The following ZNF41 variants were observed in gnomAD, a reference collection of about 807,000 sequenced individuals.
ZNF41 encodes the protein zinc finger protein 41.
ZNF41 carries 6 observed loss-of-function variants against 9.3 expected under a neutral mutation model. The observed-to-expected ratio is 0.65, with a 90% CI of 0.35 to 1.28. ZNF41 has a LOEUF of 1.28. Ranked by LOEUF, ZNF41 falls within the 50% of genes most tolerant of loss-of-function variation. ZNF41 has a pLI of 0.03. For synonymous variants in ZNF41, 192 were observed against 207.1 expected, an observed-to-expected ratio of 0.93 and a Z score of 0.63; for missense variants, 523 against 585.8, an observed-to-expected ratio of 0.89 and a Z score of 1.11.
chrX:47,453,452 A>G (rs1411577479), intron 4 of ZNF41, among the ~76,000 whole-genome samples: 1 of 112,467 alleles, frequency 8.9e-6, no homozygotes, highest in African/African-American at 3.2e-5. Flanking sequence ...AGAGCACAGA[A>G]TAAACAGATT....
chrX:47,458,774 T>A (rs1348563457), intron 2 of ZNF41, among the ~76,000 whole-genome samples: 3 of 107,968 alleles, frequency 2.8e-5, no homozygotes, highest in Non-Finnish European at 1.9e-5. Flanking sequence ...TCGTTTTTTT[T>A]TTGTTTTGTT....
chrX:47,447,161 T>C lies in ZNF41; in HGVS notation c.*269A>G, dbSNP rs1261509418. 20 of 382,450 alleles carry C rather than the reference T, an allele frequency of 5.2e-5. 1 individual carries two copies. The highest frequency in any genetic ancestry group is 5.5e-5 in the Non-Finnish European group (12 of 217,628). 31.5% of individuals were successfully genotyped at this position (382,450 alleles called of 1,213,427 possible). On this transcript the variant is annotated 3_prime_UTR_variant, in exon 5 of 5. Coordinates refer to ENST00000684689, the MANE Select transcript of ZNF41 (RefSeq NM_001324144.2). ...TTTCCAGGAGCTCAAGAGGTCTGTA[T>C]GAATCATGTCACCAAACATGACTTT...
intron 1 of ZNF41, among the ~76,000 whole-genome samples, chrX:47,482,198 G>A (rs972375763): frequency 1.8e-5 from 2 of 108,154 alleles, no homozygotes; most frequent in Non-Finnish European, 3.8e-5. Flanking sequence ...TATTCACTCC[G>A]GTGTCCCCAA....
intron 3 of ZNF41, 39 bp from the exon 4 acceptor site, chrX:47,456,055 T>C (rs2056550299): frequency 2.6e-6 from 3 of 1,173,502 alleles, no homozygotes; most frequent in Non-Finnish European, 3.5e-6. Context: ...GTCCAGCTGA[T>C]TGGGTTTCAG....
At chrX:47,481,622 T>C (rs2057474834) in intron 1 of ZNF41, among the ~76,000 whole-genome samples, 1 of 111,986 alleles carries the variant, frequency 8.9e-6, no homozygotes, top group African/African-American at 3.3e-5. Context: ...ACTCCATCTC[T>C]GGGCGACAGA....
intron 2 of ZNF41, among the ~76,000 whole-genome samples, chrX:47,459,267 T>C (rs1338654556): frequency 9.2e-6 from 1 of 109,230 alleles, no homozygotes; most frequent in Non-Finnish European, 1.9e-5. Context: ...GGAGGATCAC[T>C]AGAACCTGGA....
chrX:47,464,200 C>A (rs1341314982), intron 2 of ZNF41, among the ~76,000 whole-genome samples: 1 of 111,578 alleles, frequency 9.0e-6, no homozygotes, highest in Non-Finnish European at 1.9e-5. Context: ...TCAGTGATCA[C>A]CACTTCTCCA....
At chrX:47,469,259 C>T (rs1253055836) in intron 1 of ZNF41, among the ~76,000 whole-genome samples, 2 of 85,546 alleles carry the variant, frequency 2.3e-5, no homozygotes, top group African/African-American at 4.4e-5. Flanking sequence ...TGCAGTGAGC[C>T]GAGATCCCGC....
At chrX:47,456,166 G>C in intron 3 of ZNF41, 106 bp downstream of exon 3, 1 of 1,110,085 alleles carries the variant, frequency 9.0e-7, no homozygotes. Flanking sequence ...CTGAATCCCA[G>C]ACAAATCCAG....
intron 1 of ZNF41, among the ~76,000 whole-genome samples, chrX:47,476,224 G>A (rs1037968197): frequency 9.0e-6 from 1 of 110,675 alleles, no homozygotes; most frequent in African/African-American, 3.3e-5. Context: ...GTGGTGATGC[G>A]CACCTGTAAT....
chrX:47,479,100 T>G (rs2147852090), intron 1 of ZNF41, among the ~76,000 whole-genome samples: 1 of 111,322 alleles, frequency 9.0e-6, no homozygotes, highest in South Asian at 3.8e-4. Context: ...CGATGTTTCC[T>G]TTTGGGATGA....
At chrX:47,462,380 C>G (rs2056829585) in intron 2 of ZNF41, among the ~76,000 whole-genome samples, 1 of 110,482 alleles carries the variant, frequency 9.1e-6, no homozygotes, top group Admixed American at 9.7e-5. Flanking sequence ...CTGACTTTTC[C>G]TTGGTCCCTC....
chrX:47,451,215 C>T (rs1220694178), intron 4 of ZNF41, among the ~76,000 whole-genome samples: 1 of 112,159 alleles, frequency 8.9e-6, no homozygotes, highest in African/African-American at 3.2e-5. Flanking sequence ...TTCCTCTGAG[C>T]AGACACTTGA....
At position 47,447,354 on chromosome X, in the gene ZNF41, C is replaced by T. The variant is rs1340317959; in HGVS notation, c.*76G>A. 1.7e-6 allele frequency: 2 copies of T among 1,160,829 alleles called. No individual in the cohort carries two copies. Among genetic ancestry groups the T allele is most frequent in the Non-Finnish European group, 1.2e-6 (1 of 859,325 alleles). ...CCCATTTCCCCCTGTACAATGATTG[C>T]AGCAACAGGCCTTCCTCCTCCCTGC... On this transcript the variant is annotated 3_prime_UTR_variant, in exon 5 of 5. Transcript: ENST00000684689.
chrX:47,448,362 T>A lies in ZNF41; in HGVS notation c.1408A>T (p.Ser470Cys), dbSNP rs753145512. 3.3e-6 allele frequency: 4 copies of A among 1,211,676 alleles called. No homozygotes were observed. In the Admixed American group the frequency reaches 8.7e-5, roughly 26 times the overall value. ...IHTGEKPYEC[S>C]DCGKSFTKKS... ...TTAGTGAAGGATTTCCCACAGTCAC[T>A]GCATTCATACGGCTTTTCTCCAGTA... The change falls in exon 5 of 5, where the codon AGT becomes TGT. Residue 470 changes from serine to cysteine, a missense_variant. Coordinates refer to ENST00000684689, the MANE Select transcript of ZNF41 (RefSeq NM_001324144.2).
At position 47,448,551 on chromosome X, in the gene ZNF41, C is replaced by A. The variant is rs766957386; in HGVS notation, c.1219G>T (p.Gly407Ter). The change falls in exon 5 of 5, where the codon GGA becomes TGA. Residue 407 changes from glycine (G) to a stop codon, truncating the protein, a stop_gained. Transcript: ENST00000684689. LOFTEE classifies it low-confidence loss of function (END_TRUNC). ...TCATTGCATTCATAGTGTTTCTCTC[C>A]GGTATGAGTTTTCTGATGTATACTG... is the stretch of plus-strand genomic sequence containing the variant. ...DLSIHQKTHT[G>*]EKHYECNECG... The A allele has an allele frequency of 3.3e-6, 4 of 1,209,982 alleles. No homozygotes were observed. The highest frequency in any genetic ancestry group is 4.5e-6 in the Non-Finnish European group (4 of 895,324).
At chrX:47,449,616 C>T (rs2056285738) in intron 4 of ZNF41, 142 bp from the exon 5 acceptor site, 1 of 655,725 alleles carries the variant, frequency 1.5e-6, no homozygotes, top group Admixed American at 3.7e-5. Context: ...AGCAACACAA[C>T]ATTCTTATAG....
intron 2 of ZNF41, among the ~76,000 whole-genome samples, chrX:47,466,534 C>CTT (rs11379623): frequency 2.6e-4 from 27 of 103,457 alleles, no homozygotes; most frequent in South Asian, 1.3e-3. Flanking sequence ...TTTTATTCAT[C>CTT]TTTTTTTTTT....
At position 47,456,551 on chromosome X, in the gene ZNF41, A is replaced by T. The variant is rs192161417; in HGVS notation, c.73-153T>A. Reference sequence around the variant, plus strand: ...TTTGTATTTTATTTTGTGAGAGCTAAAAAACTTATTAAAGTATCTTGACAT... The same window carrying T: ...TTTGTATTTTATTTTGTGAGAGCTATAAAACTTATTAAAGTATCTTGACAT... On this transcript the variant is annotated intron_variant, in intron 2 of 4. Coordinates refer to ENST00000684689, the MANE Select transcript of ZNF41 (RefSeq NM_001324144.2). 2.5e-3 allele frequency: 1,830 copies of T among 742,751 alleles called. 19 individuals carry two copies. Among genetic ancestry groups the T allele is most frequent in the South Asian group, 8.5e-3 (316 of 36,996 alleles). 61.2% of individuals were successfully genotyped at this position (742,751 alleles called of 1,213,427 possible).
Sources: allele counts gnomAD v4.1 joint callset (sites outside exome capture counted in the v4.1 genomes callset), GRCh38; gene constraint gnomAD v4.1.1; transcripts MANE v1.5; gene names NCBI Gene and HGNC (gene_info 2026-07-23, HGNC 2026-07-21).